Variants in LYSET observed in about 807,000 individuals in gnomAD.
LYSET encodes the protein GNPTAB cleavage and activity factor.
chr14:93,184,989 G>T, the LYSET span: 1 of 158,566 alleles, frequency 6.3e-6, no homozygotes. This position sits in a 1 kb window ranked among gnomAD's most constrained non-coding sequence, Gnocchi z 4.2. Context: ...CGACTGCGGC[G>T]GCATCCGGGA....
the LYSET span, chr14:93,185,017 AC>A: frequency 6.4e-6 from 1 of 156,694 alleles, no homozygotes; most frequent in East Asian, 1.1e-4. Context: ...CGGGCTGGCC[AC>A]CACGGGACAG....
chr14:93,186,263 C>T, the LYSET span: 2 of 1,611,444 alleles, frequency 1.2e-6, no homozygotes, highest in Non-Finnish European at 1.7e-6. Context: ...TTTGAAGGCA[C>T]AGAGCATGGA....
chr14:93,187,839 G>A, the LYSET span, among the ~76,000 whole-genome samples: 1 of 151,698 alleles, frequency 6.6e-6, no homozygotes, highest in Non-Finnish European at 1.5e-5. Flanking sequence ...AGTAGAGACA[G>A]GGTTGCAGCA....
the LYSET span, among the ~76,000 whole-genome samples, chr14:93,185,792 A>G: frequency 6.6e-6 from 1 of 151,772 alleles, no homozygotes. Context: ...AACAACCTGT[A>G]AGTTTTACAT....
chr14:93,188,109 C>A, the LYSET span, among the ~76,000 whole-genome samples: 1 of 152,158 alleles, frequency 6.6e-6, no homozygotes, highest in Admixed American at 6.6e-5. Flanking sequence ...CAGGCACCCA[C>A]CACCATGCCT....
chr14:93,187,718 G>A, the LYSET span, among the ~76,000 whole-genome samples: 31 of 151,900 alleles, frequency 2.0e-4, no homozygotes, highest in African/African-American at 7.3e-4. Context: ...TGGAACCTTC[G>A]GCTCACTGCA....
the LYSET span, chr14:93,185,219 A>T: frequency 2.9e-6 from 1 of 344,132 alleles, no homozygotes; most frequent in Non-Finnish European, 5.2e-6. Context: ...AGTGGCGGGG[A>T]CGCCTCCCTG....
At chr14:93,188,307 A>G in the LYSET span, among the ~76,000 whole-genome samples, 2 of 152,176 alleles carry the variant, frequency 1.3e-5, no homozygotes, top group South Asian at 2.1e-4. Flanking sequence ...CCCCTCTAAA[A>G]GATGCTATCA....
At chr14:93,186,449 C>G in the LYSET span, 1 of 1,614,214 alleles carries the variant, frequency 6.2e-7, no homozygotes, top group Non-Finnish European at 8.5e-7. Flanking sequence ...GGACACACTC[C>G]TTGAAAGCTC....
the LYSET span, chr14:93,187,149 C>T: frequency 6.0e-6 from 1 of 167,110 alleles, no homozygotes; most frequent in Non-Finnish European, 1.4e-5. Flanking sequence ...TGCAGCTAAG[C>T]CAGCTGTCTA....
the LYSET span, chr14:93,186,607 A>G: frequency 6.2e-6 from 10 of 1,614,156 alleles, no homozygotes; most frequent in East Asian, 2.2e-5. Flanking sequence ...GTTATTTGCA[A>G]TCGCCACCAG....
chr14:93,185,477 G>C, the LYSET span: 1 of 1,611,502 alleles, frequency 6.2e-7, no homozygotes, highest in South Asian at 1.1e-5. Context: ...GAAGATTTTC[G>C]GGACCATTGT....
At chr14:93,185,158 G>C in the LYSET span, 1 of 161,558 alleles carries the variant, frequency 6.2e-6, no homozygotes, top group Admixed American at 6.5e-5. Context: ...TGGTCGCGGC[G>C]TGCCGGCGCT....
At chr14:93,186,831 G>C in the LYSET span, 4 of 693,570 alleles carry the variant, frequency 5.8e-6, no homozygotes, top group African/African-American at 3.7e-5. Flanking sequence ...GAATAATAAC[G>C]AATTTTTAGG....
the LYSET span, chr14:93,185,269 C>G: frequency 1.4e-6 from 1 of 715,134 alleles, no homozygotes; most frequent in South Asian, 2.2e-5. Context: ...GCGGCGGCGA[C>G]GGGGGCCGGG....
At chr14:93,187,029 C>T in the LYSET span, 1 of 218,924 alleles carries the variant, frequency 4.6e-6, no homozygotes, top group African/African-American at 2.3e-5. Context: ...ATGAACATTT[C>T]CATTGTGTTA....
At chr14:93,185,494 T>G in the LYSET span, 9 of 1,608,366 alleles carry the variant, frequency 5.6e-6, no homozygotes, top group East Asian at 2.2e-5. Flanking sequence ...TTGTAAGTGC[T>G]TAGGAGTTAC....
At chr14:93,187,143 G>A in the LYSET span, 5 of 167,210 alleles carry the variant, frequency 3.0e-5, no homozygotes, top group East Asian at 9.6e-4. Context: ...TTCTATTGCA[G>A]CTAAGCCAGC....
At chr14:93,188,244 C>T in the LYSET span, among the ~76,000 whole-genome samples, 2 of 152,204 alleles carry the variant, frequency 1.3e-5, no homozygotes, top group Non-Finnish European at 2.9e-5. Context: ...CATGAGCCAC[C>T]ATGGCCAGCC....
Sources: allele counts gnomAD v4.1 joint callset (sites outside exome capture counted in the v4.1 genomes callset), GRCh38; gene constraint gnomAD v4.1.1; non-coding constraint Gnocchi (gnomAD v3.1); transcripts MANE v1.5; gene names NCBI Gene and HGNC (gene_info 2026-07-23, HGNC 2026-07-21).